Variants in TNKS observed in about 807,000 individuals in gnomAD.
TNKS encodes poly [ADP-ribose] polymerase tankyrase-1.
In TNKS, 72 loss-of-function variants were observed where a neutral mutation model predicts 135.8. That is an observed-to-expected ratio of 0.53 (90% confidence interval 0.44 to 0.64). TNKS has a LOEUF of 0.64. TNKS is among the 30% of genes least tolerant of loss of function. The pLI, the probability that TNKS is intolerant of heterozygous loss-of-function variation, is 0.00. For synonymous variants in TNKS, 849 were observed against 649.3 expected, an observed-to-expected ratio of 1.31 and a Z score of -4.68; for missense variants, 1,769 against 1,674.0, an observed-to-expected ratio of 1.06 and a Z score of -0.99.
intron 20 of TNKS, among the ~76,000 whole-genome samples, chr8:9,758,235 G>A (rs1422397610): frequency 2.6e-5 from 4 of 152,206 alleles, no homozygotes; most frequent in African/African-American, 4.8e-5. Flanking sequence ...GTGGATGGTG[G>A]TTGGATGATG....
At position 9,635,174 on chromosome 8, in the gene TNKS, A is replaced by G. The variant is rs572425066; in HGVS notation, c.994+19497A>G. Among the ~76,000 whole-genome samples the G allele has an allele frequency of 1.9e-3, 261 of 138,182 alleles. 1 individual carries two copies. The highest frequency in any genetic ancestry group is 5.1e-3 in the African/African-American group (182 of 35,944). The allele number at this position is 138,182 out of a possible 152,430, so 90.7% of individuals were successfully genotyped here. Reference sequence around the variant, plus strand: ...GACAGAGCGAGACTCCGTCTCGGGGAAAAAAAAAAAAAAAAAGTAATGAAC... The same window carrying G: ...GACAGAGCGAGACTCCGTCTCGGGGGAAAAAAAAAAAAAAAAGTAATGAAC... On this transcript the variant is annotated intron_variant, in intron 3 of 26. Transcript: ENST00000310430.
intron 2 of TNKS, among the ~76,000 whole-genome samples, chr8:9,606,274 T>G (rs1416547495): frequency 6.6e-6 from 1 of 151,614 alleles, no homozygotes; most frequent in Non-Finnish European, 1.5e-5. Context: ...TGACTCCCTA[T>G]ATGTTGCTTT....
Position 9,771,324 on chromosome 8 carries a change from AGGAGGGAGAGAGAGGAAGGGAAGCAG to A in TNKS, c.3897+1077_3897+1102del, listed in dbSNP as rs773340455. 4.4e-3 allele frequency among the ~76,000 whole-genome samples: 502 copies of A among 114,396 alleles called. 4 individuals carry two copies. Among genetic ancestry groups the A allele is most frequent in the Non-Finnish European group, 6.7e-3 (380 of 56,576 alleles). 75.0% of individuals were successfully genotyped at this position (114,396 alleles called of 152,430 possible). On this transcript the variant is annotated intron_variant, in intron 26 of 26. Coordinates refer to ENST00000310430, the MANE Select transcript of TNKS (RefSeq NM_003747.3). ...AGAGGAAGGAAGGAAGAGAGAAGAA[AGGAGGGAGAGAGAGGAAGGGAAGCAG>A]GGAGGGAGAGAGAGAGGAAGGGAGG... is the stretch of plus-strand genomic sequence containing the variant.
chr8:9,686,960 C>T (rs1263570438), intron 5 of TNKS, among the ~76,000 whole-genome samples: 1 of 152,120 alleles, frequency 6.6e-6, no homozygotes, highest in Non-Finnish European at 1.5e-5. Flanking sequence ...ACTTATTTTT[C>T]AGCAGAGTTA....
chr8:9,750,459 C>G (rs1000294879), intron 18 of TNKS, among the ~76,000 whole-genome samples: 5 of 152,158 alleles, frequency 3.3e-5, no homozygotes, highest in Non-Finnish European at 7.3e-5. Flanking sequence ...TTTCCTTAGC[C>G]AAATTTACAA....
intron 3 of TNKS, among the ~76,000 whole-genome samples, chr8:9,671,395 C>T (rs755527523): frequency 3.9e-5 from 6 of 152,126 alleles, no homozygotes; most frequent in Non-Finnish European, 8.8e-5. Flanking sequence ...AATTGAGATA[C>T]ATCCATATAA....
At chr8:9,629,734 G>A (rs1023569845) in intron 3 of TNKS, among the ~76,000 whole-genome samples, 2 of 152,250 alleles carry the variant, frequency 1.3e-5, no homozygotes, top group African/African-American at 2.4e-5. Context: ...CCAGGCTGGA[G>A]TGCAGTGGTG....
intron 3 of TNKS, among the ~76,000 whole-genome samples, chr8:9,645,218 G>C (rs181784604): frequency 6.6e-6 from 1 of 150,854 alleles, no homozygotes; most frequent in Non-Finnish European, 1.5e-5. Flanking sequence ...TGGGGGATGG[G>C]TTGGGAGCAG....
At chr8:9,630,039 C>A (rs1419419134) in intron 3 of TNKS, among the ~76,000 whole-genome samples, 2 of 152,178 alleles carry the variant, frequency 1.3e-5, no homozygotes, top group African/African-American at 4.8e-5. Context: ...CTAATAAGCT[C>A]TTCCTGACCT....
Position 9,748,032 on chromosome 8 carries a change from C to A in TNKS, c.2652C>A (p.Asp884Glu). 1 of 1,607,496 alleles carries A rather than the reference C, an allele frequency of 6.2e-7. No individual in the cohort carries two copies. The highest frequency in any genetic ancestry group is 8.5e-7 in the Non-Finnish European group (1 of 1,177,470). The stretch of plus-strand genomic sequence containing the variant: ...CTTTTCTTTTTTTTCAGCATGTTGA[C>A]ATAGCGGCTTTATTGATAAAATACA... ...LHNAASYGHV[D>E]IAALLIKYNT... The change falls in exon 18 of 27, where the codon GAC becomes GAA. Residue 884 changes from aspartate to glutamate, a missense_variant. Coordinates refer to ENST00000310430, the MANE Select transcript of TNKS (RefSeq NM_003747.3).
chr8:9,617,375 A>G (rs73539914), intron 3 of TNKS, among the ~76,000 whole-genome samples: 173 of 152,316 alleles, frequency 1.1e-3, no homozygotes, highest in African/African-American at 3.9e-3. Flanking sequence ...ATTTAGAGTC[A>G]TTTGTTCTTT....
At position 9,710,191 on chromosome 8, in the gene TNKS, A is replaced by G; in HGVS notation, c.1720A>G (p.Met574Val). 6.2e-7 allele frequency: 1 copy of G among 1,614,248 alleles called. No homozygotes were observed. The highest frequency in any genetic ancestry group is 8.5e-7 in the Non-Finnish European group (1 of 1,180,044). Residue 574 changes from methionine (M) to valine (V), a missense_variant, in exon 11 of 27, where the codon ATG becomes GTG. Around this residue, in one of 5 missense-constraint regions of TNKS, gnomAD observed 523 missense variants for 541.0 expected, o/e 0.97. Coordinates refer to ENST00000310430, the MANE Select transcript of TNKS (RefSeq NM_003747.3). ...AGCCGAAAGAGCCCATAATGATGTCATGGAAGTTCTGCATAAGCATGGCGC... is the reference window on the plus strand; with the variant it reads ...AGCCGAAAGAGCCCATAATGATGTCGTGGAAGTTCTGCATAAGCATGGCGC... The part of the protein sequence containing the change: ...VAAERAHNDV[M>V]EVLHKHGAKM...
At chr8:9,598,757 G>A (rs1295299151) in intron 2 of TNKS, among the ~76,000 whole-genome samples, 1,535 of 66,378 alleles carry the variant, frequency 0.023, 50 homozygotes, top group African/African-American at 0.05. Flanking sequence ...ATATGTATAT[G>A]TGTGTGTGTA....
In TNKS at chr8:9,556,155, G is replaced by A. The variant is rs774979022; in HGVS notation, c.216G>A (p.Arg72=). ...GLALPEGDGS[R]DPPDRPRSPD... ...CGCTGCCGGAGGGGGATGGCAGTCG[G>A]GATCCGCCCGACAGGCCCCGATCCC... The change falls in exon 1 of 27, where the codon CGG becomes CGA. Residue 72 remains arginine (R), a synonymous_variant. Transcript: ENST00000310430. The A allele has an allele frequency of 7.5e-6, 12 of 1,609,490 alleles. No individual in the cohort carries two copies. The highest frequency in any genetic ancestry group is 1.3e-5 in the African/African-American group (1 of 74,880).
chr8:9,706,270 A>T lies in TNKS; in HGVS notation c.1269+17A>T. On this transcript the variant is annotated intron_variant, in intron 7 of 26. Transcript: ENST00000310430. Reference sequence around the variant, plus strand: ...CTACTAAAGGTAAGAGAAATTCAGAATATTGAGCATCATTTACTTTTTTTT... The same window carrying T: ...CTACTAAAGGTAAGAGAAATTCAGATTATTGAGCATCATTTACTTTTTTTT... The T allele has an allele frequency of 6.5e-7, 1 of 1,528,378 alleles. No individual in the cohort carries two copies. The highest frequency in any genetic ancestry group is 8.8e-7 in the Non-Finnish European group (1 of 1,139,936). 94.7% of individuals were successfully genotyped at this position (1,528,378 alleles called of 1,614,324 possible). A position where few individuals can be genotyped will look rare whatever the true frequency, so the allele number is the denominator to read the frequency against.
At chr8:9,699,245 G>C (rs1301297172) in intron 5 of TNKS, among the ~76,000 whole-genome samples, 1 of 152,194 alleles carries the variant, frequency 6.6e-6, no homozygotes, top group African/African-American at 2.4e-5. Context: ...CTAGCAATTA[G>C]AAAATTACTT....
chr8:9,744,678 C>T (rs1806145229), intron 17 of TNKS, among the ~76,000 whole-genome samples: 1 of 152,166 alleles, frequency 6.6e-6, no homozygotes, highest in Admixed American at 6.5e-5. Flanking sequence ...TTGAATAGAA[C>T]TGAACTGCTA....
chr8:9,603,151 C>G (rs1799081961), intron 2 of TNKS, among the ~76,000 whole-genome samples: 1 of 152,014 alleles, frequency 6.6e-6, no homozygotes, highest in Non-Finnish European at 1.5e-5. Context: ...CTCCCAGTTT[C>G]AGGCCATTCT....
At chr8:9,756,806 T>C (rs1259365433) in intron 20 of TNKS, among the ~76,000 whole-genome samples, 1 of 152,190 alleles carries the variant, frequency 6.6e-6, no homozygotes, top group Non-Finnish European at 1.5e-5. Flanking sequence ...TTCAGATTCA[T>C]CCCTTCCATG....
Sources: gnomAD v4.1 joint callset for allele counts (sites outside exome capture counted in the v4.1 genomes callset) on GRCh38, gnomAD v4.1.1 for gene constraint, gnomAD v4.1.1 regional missense constraint, MANE v1.5 for transcripts, NCBI Gene and HGNC (gene_info 2026-07-23, HGNC 2026-07-21) for gene names.